The following C1S variants were observed in gnomAD, a reference collection of about 807,000 sequenced individuals.
The protein encoded by C1S is complement C1s, also known as complement C1s subcomponent.
Under a neutral mutation model 54.0 loss-of-function variants are expected in C1S, and 31 were observed. The ratio of observed to expected loss-of-function variants is 0.57; its 90% CI spans 0.43 to 0.78. The LOEUF is 0.78. Ranked by LOEUF, C1S falls within the 30% of genes least tolerant of loss-of-function variation. The pLI, the probability that C1S is intolerant of heterozygous loss-of-function variation, is 0.00. For missense variants in C1S, 727 were observed against 851.8 expected (o/e 0.85, Z 1.82); for synonymous variants, 292 against 303.6 (o/e 0.96, Z 0.40).
chr12:7,068,826 G>C, intron 11 of C1S: 1 of 432,584 alleles, frequency 2.3e-6, no homozygotes, highest in Non-Finnish European at 4.3e-6. Context: ...CCTGAAAGCT[G>C]AGAGTGTGTG....
At position 7,066,564 on chromosome 12, in the gene C1S, T is replaced by G. The variant is rs1937667345; in HGVS notation, c.918T>G (p.Pro306=). ...ACACTCCCAATTCTGTTTGGGAGCC[T>G]GCGAAGGCAAAATATGTCTTTAGAG... The part of the protein sequence containing the change: ...KEDTPNSVWE[P]AKAKYVFRDV... Residue 306 remains proline (P), a synonymous_variant, in exon 8 of 12, where the codon CCT becomes CCG. Coordinates refer to ENST00000360817, the MANE Select transcript of C1S (RefSeq NM_001734.5). 3 of 1,613,874 alleles carry G rather than the reference T, an allele frequency of 1.9e-6. No homozygotes were observed. In the African/African-American group the frequency reaches 4.0e-5, roughly 22 times the overall value.
chr12:7,062,637 T>C lies in C1S; in HGVS notation c.168T>C (p.His56=). The part of the protein sequence containing the change: ...EGYGIHLYFT[H]LDIELSENCA... The stretch of plus-strand genomic sequence containing the variant: ...ATGGGATTCACCTCTACTTCACCCA[T>C]CTGGACATTGAGCTGTCAGAGAACT... Residue 56 remains histidine (H), a synonymous_variant, in exon 3 of 12, where the codon CAT becomes CAC. Transcript: ENST00000360817. The C allele has an allele frequency of 6.2e-7, 1 of 1,614,148 alleles. No homozygotes were observed. The highest frequency in any genetic ancestry group is 8.5e-7 in the Non-Finnish European group (1 of 1,180,016).
intron 3 of C1S, 38 bp from the exon 4 acceptor site, chr12:7,062,852 C>A: frequency 6.2e-7 from 1 of 1,604,786 alleles, no homozygotes; most frequent in Admixed American, 1.7e-5. Context: ...CAAAATATTA[C>A]CCTTTCCTAG....
Position 7,070,000 on chromosome 12 carries a change from G to A in C1S, c.1416G>A (p.Thr472=), listed in dbSNP as rs782735913. 14 of 1,614,018 alleles carry A rather than the reference G, an allele frequency of 8.7e-6. No individual in the cohort carries two copies. The highest frequency in any genetic ancestry group is 2.2e-5 in the East Asian group (1 of 44,886). The change falls in exon 12 of 12, where the codon ACG becomes ACA. Residue 472 remains threonine (T), a synonymous_variant. Transcript: ENST00000360817. ...GALINEYWVL[T]AAHVVEGNRE... ...TCATTAATGAGTACTGGGTGCTGAC[G>A]GCTGCTCATGTTGTGGAGGGAAACA...
Position 7,068,479 on chromosome 12 carries a change from G to A in C1S, c.1219G>A (p.Gly407Arg), listed in dbSNP as rs1555162668. ...AGGGGAGTATCACTGTGCTGGTAAC[G>A]GGAGCTGGGTGAATGAGGTGCTGGG... ...GGGEYHCAGN[G>R]SWVNEVLGPE... The change falls in exon 11 of 12, where the codon GGG becomes AGG. Residue 407 changes from glycine to arginine, a missense_variant. Physicochemically the swap from Gly to Arg is moderately radical, Grantham distance 125. Transcript: ENST00000360817. 3 of 1,613,650 alleles carry A rather than the reference G, an allele frequency of 1.9e-6. No homozygotes were observed. The highest frequency in any genetic ancestry group is 1.7e-6 in the Non-Finnish European group (2 of 1,179,716).
At chr12:7,062,730 G>T in intron 3 of C1S, 48 bp downstream of exon 3, 1 of 1,579,408 alleles carries the variant, frequency 6.3e-7, no homozygotes, top group Non-Finnish European at 8.7e-7. Flanking sequence ...TAGGGCTAAG[G>T]TAGCGGAATA....
At chr12:7,063,118 A>G in intron 4 of C1S, 51 bp downstream of exon 4, 1 of 1,516,170 alleles carries the variant, frequency 6.6e-7, no homozygotes, top group Non-Finnish European at 9.1e-7. Context: ...AAAAGATTAG[A>G]AATGAGAAAT....
chr12:7,063,941 C>A lies in C1S; in HGVS notation c.392-326C>A. ...CTCCTCGGGAGGTAGAGGCGTGAGA[C>A]TTGTTTGAACTTGCTTGAAAATGTG... On this transcript the variant is annotated intron_variant, in intron 4 of 11. Coordinates refer to ENST00000360817, the MANE Select transcript of C1S (RefSeq NM_001734.5). 4 of 464,736 alleles carry A rather than the reference C, an allele frequency of 8.6e-6. 1 individual carries two copies. Among genetic ancestry groups the A allele is most frequent in the South Asian group, 6.2e-5 (4 of 64,352 alleles). 28.8% of individuals were successfully genotyped at this position (464,736 alleles called of 1,614,324 possible).
chr12:7,067,025 T>A lies in C1S; in HGVS notation c.988-14T>A, dbSNP rs1462032885. 6.3e-7 allele frequency: 1 copy of A among 1,594,170 alleles called. No individual in the cohort carries two copies. Among genetic ancestry groups the A allele is most frequent in the Non-Finnish European group, 8.6e-7 (1 of 1,161,752 alleles). On this transcript the variant is annotated splice_polypyrimidine_tract_variant and intron_variant, in intron 8 of 11. Coordinates refer to ENST00000360817, the MANE Select transcript of C1S (RefSeq NM_001734.5). ...TCTCTTCAGAAATAAGTGGTGATGT[T>A]TATTATTCTCCAGGGACGTGTTGGT... is the stretch of plus-strand genomic sequence containing the variant.
rs78558058 is a variant in C1S at position 7,066,566 on chromosome 12, C to T, written c.920C>T (p.Ala307Val). Residue 307 changes from alanine to valine, a missense_variant, in exon 8 of 12, where the codon GCG becomes GTG. Ala to Val is a moderately conservative substitution (Grantham distance 64, BLOSUM62 0). Transcript: ENST00000360817. ...EDTPNSVWEP[A>V]KAKYVFRDVV... ...ACTCCCAATTCTGTTTGGGAGCCTG[C>T]GAAGGCAAAATATGTCTTTAGAGAT... 976 of 1,613,854 alleles carry T rather than the reference C, an allele frequency of 6.0e-4. 8 individuals carry two copies. The African/African-American group carries it at 0.011, about 18-fold the overall frequency.
Position 7,065,876 on chromosome 12 carries a change from A to G in C1S, c.777A>G (p.Leu259=). Residue 259 remains leucine (L), a synonymous_variant, in exon 7 of 12, where the codon CTA becomes CTG. Transcript: ENST00000360817. ...GTGGTCATGGATTCCCTGGGCCTCT[A>G]AATATTGAAACCAAGAGTAATGCTC... The part of the protein sequence containing the change: ...PYCGHGFPGP[L]NIETKSNALD... 3 of 1,612,922 alleles carry G rather than the reference A, an allele frequency of 1.9e-6. No individual in the cohort carries two copies. The highest frequency in any genetic ancestry group is 2.5e-6 in the Non-Finnish European group (3 of 1,179,138).
chr12:7,066,490 C>A, intron 7 of C1S, 28 bp from the exon 8 acceptor site: 1 of 1,317,040 alleles, frequency 7.6e-7, no homozygotes, highest in Non-Finnish European at 1.1e-6. Flanking sequence ...TAATTTTTTC[C>A]TCCTGTCCCA....
rs781913096 is a variant in C1S, at chr12:7,070,413, A to T, written c.1829A>T (p.Tyr610Phe). ...VEKPTADAEA[Y>F]VFTPNMICAG... Reference sequence around the variant, plus strand: ...AAACCCACAGCAGATGCAGAGGCCTATGTTTTCACTCCTAACATGATCTGT... The same window carrying T: ...AAACCCACAGCAGATGCAGAGGCCTTTGTTTTCACTCCTAACATGATCTGT... The change falls in exon 12 of 12, where the codon TAT becomes TTT. Residue 610 changes from tyrosine (Y) to phenylalanine (F), a missense_variant. Physicochemically the swap from Tyr to Phe is conservative, Grantham distance 22 (BLOSUM62 3). Transcript: ENST00000360817. This position sits in a 1 kb window ranked among gnomAD's most constrained non-coding sequence, Gnocchi z 4.9. The T allele has an allele frequency of 2.5e-6, 4 of 1,614,256 alleles. No homozygotes were observed. Among genetic ancestry groups the T allele is most frequent in the Non-Finnish European group, 3.4e-6 (4 of 1,180,036 alleles).
intron 4 of C1S, chr12:7,063,526 A>ATC (rs1438586360): frequency 5.8e-6 from 2 of 343,286 alleles, no homozygotes; most frequent in African/African-American, 2.1e-5. Context: ...GTACTTCTGT[A>ATC]TCTCTCTCTA....
chr12:7,068,546 G>A lies in C1S; in HGVS notation c.1270+16G>A, dbSNP rs781910078. 3.8e-6 allele frequency: 6 copies of A among 1,590,350 alleles called. No homozygotes were observed. In the Middle Eastern group the frequency reaches 5.0e-4, roughly 132 times the overall value. On this transcript the variant is annotated intron_variant, in intron 11 of 11. Coordinates refer to ENST00000360817, the MANE Select transcript of C1S (RefSeq NM_001734.5). ...TGTGTTCCAGGTAAGGAGGGCTGAGGCTTGGGGAGAGATGATAGCCATGGG... is the reference window on the plus strand; with the variant it reads ...TGTGTTCCAGGTAAGGAGGGCTGAGACTTGGGGAGAGATGATAGCCATGGG...
intron 5 of C1S, among the ~76,000 whole-genome samples, 168 bp from the exon 6 acceptor site, chr12:7,064,932 T>G (rs1365065192): frequency 6.6e-6 from 1 of 152,222 alleles, no homozygotes; most frequent in Non-Finnish European, 1.5e-5. Context: ...GTATTCCTAC[T>G]GATACGTATT....
At chr12:7,063,252 A>T (rs1168905561) in intron 4 of C1S, 185 bp downstream of exon 4, 3 of 612,948 alleles carry the variant, frequency 4.9e-6, no homozygotes, top group Non-Finnish European at 8.8e-6. Flanking sequence ...CTTAGTGGTG[A>T]TGATGATCAT....
chr12:7,063,306 C>A, intron 4 of C1S: 1 of 554,052 alleles, frequency 1.8e-6, no homozygotes, highest in Non-Finnish European at 3.3e-6. Context: ...TTGTTGAGAG[C>A]CACTATAAAC....
chr12:7,067,802 G>A, intron 10 of C1S, 31 bp downstream of exon 10: 1 of 1,609,422 alleles, frequency 6.2e-7, no homozygotes, highest in Non-Finnish European at 8.5e-7. Context: ...AAGAGAGAGA[G>A]AGAGTGAGAA....
Sources: gnomAD v4.1 joint callset for allele counts (sites outside exome capture counted in the v4.1 genomes callset) on GRCh38, gnomAD v4.1.1 for gene constraint, Gnocchi (gnomAD v3.1) non-coding constraint, MANE v1.5 for transcripts, NCBI Gene and HGNC (gene_info 2026-07-23, HGNC 2026-07-21) for gene names.